Variants in TNIK observed in about 807,000 individuals in gnomAD.
TNIK encodes TRAF2 and NCK interacting kinase, also known as TRAF2 and NCK-interacting protein kinase.
Under a neutral mutation model 191.3 loss-of-function variants are expected in TNIK, and 49 were observed. The ratio of observed to expected loss-of-function variants is 0.26; its 90% CI spans 0.20 to 0.32. The LOEUF (loss-of-function observed/expected upper bound fraction) is 0.32. Ranked by LOEUF, TNIK falls within the 10% of genes least tolerant of loss-of-function variation. The pLI is 1.00. For missense variants in TNIK, 1,155 were observed against 1,702.3 expected (o/e 0.68, Z 5.66); for synonymous variants, 594 against 600.9 (o/e 0.99, Z 0.17).
intron 2 of TNIK, among the ~76,000 whole-genome samples, chr3:171,250,839 A>C (rs1329840582): frequency 1.3e-5 from 2 of 152,188 alleles, no homozygotes; most frequent in Admixed American, 6.5e-5. Flanking sequence ...TACATTTGGG[A>C]TTTCTGACTT....
intron 18 of TNIK, among the ~76,000 whole-genome samples, chr3:171,113,826 G>A (rs1365832596): frequency 6.6e-6 from 1 of 151,892 alleles, no homozygotes; most frequent in East Asian, 1.9e-4. Flanking sequence ...GAGCTTAGCT[G>A]GATATACACA....
At chr3:171,270,627 A>T (rs1178844294) in intron 2 of TNIK, among the ~76,000 whole-genome samples, 3 of 152,116 alleles carry the variant, frequency 2.0e-5, no homozygotes, top group Non-Finnish European at 4.4e-5. Flanking sequence ...CATTTCCTGA[A>T]ATACCCATCC....
intron 1 of TNIK, among the ~76,000 whole-genome samples, chr3:171,374,523 C>T (rs1716957049): frequency 6.6e-6 from 1 of 152,204 alleles, no homozygotes; most frequent in Non-Finnish European, 1.5e-5. Flanking sequence ...AAGTTACATA[C>T]ACCAAGGAGA....
At position 171,394,157 on chromosome 3, in the gene TNIK, C is replaced by T. The variant is rs189531723; in HGVS notation, c.58-24472G>A. Among the ~76,000 whole-genome samples the T allele has an allele frequency of 1.4e-4, 21 of 152,214 alleles. 2 individuals are homozygous for T. Among genetic ancestry groups the T allele is most frequent in the African/African-American group, 5.1e-4 (21 of 41,526 alleles). On this transcript the variant is annotated intron_variant, in intron 1 of 32. Transcript: ENST00000436636. ...TCTGGGGCAAATCTTGTCCTGTGAC[C>T]CTTCCCCCTGTTTGAACCAGCCAAT...
intron 2 of TNIK, among the ~76,000 whole-genome samples, chr3:171,236,086 C>A (rs73879512): frequency 0.016 from 2,425 of 152,232 alleles, 52 homozygotes; most frequent in African/African-American, 0.055. Flanking sequence ...GGCAGGAACT[C>A]CACCTTAAAC....
intron 1 of TNIK, among the ~76,000 whole-genome samples, chr3:171,390,599 T>TGCC: frequency 6.6e-6 from 1 of 152,244 alleles, no homozygotes; most frequent in Non-Finnish European, 1.5e-5. Context: ...AGCTGCTGAA[T>TGCC]AACTGCCATG....
intron 1 of TNIK, among the ~76,000 whole-genome samples, chr3:171,438,384 T>C (rs1300351058): frequency 2.0e-5 from 3 of 152,206 alleles, no homozygotes; most frequent in African/African-American, 7.2e-5. Flanking sequence ...TAAAAACACA[T>C]GAAATTGTAT....
chr3:171,112,583 A>G (rs1011855488), intron 18 of TNIK, among the ~76,000 whole-genome samples: 2 of 151,962 alleles, frequency 1.3e-5, no homozygotes, highest in African/African-American at 2.4e-5. Flanking sequence ...GATCTCACTT[A>G]TGCGTGGAAT....
intron 2 of TNIK, among the ~76,000 whole-genome samples, chr3:171,351,529 T>C (rs1288347227): frequency 6.6e-6 from 1 of 152,214 alleles, no homozygotes; most frequent in East Asian, 1.9e-4. Context: ...TTTATTCTCA[T>C]GTTCTTGTTC....
At chr3:171,239,864 C>T (rs566199701) in intron 2 of TNIK, among the ~76,000 whole-genome samples, 1 of 152,172 alleles carries the variant, frequency 6.6e-6, no homozygotes, top group South Asian at 2.1e-4. Flanking sequence ...CTCTCAGAAA[C>T]CTGTACTCTC....
intron 22 of TNIK, among the ~76,000 whole-genome samples, chr3:171,098,248 A>C (rs1295565257): frequency 1.3e-5 from 2 of 152,196 alleles, no homozygotes; most frequent in East Asian, 3.8e-4. Context: ...GATGTGATGC[A>C]AATCAAATTA....
intron 9 of TNIK, among the ~76,000 whole-genome samples, chr3:171,172,155 A>C (rs1420472848): frequency 6.6e-6 from 1 of 152,148 alleles, no homozygotes; most frequent in East Asian, 1.9e-4. Flanking sequence ...AAAAAAGTTC[A>C]CACTAAGAGA....
chr3:171,375,288 T>C (rs1717057649), intron 1 of TNIK, among the ~76,000 whole-genome samples: 1 of 152,218 alleles, frequency 6.6e-6, no homozygotes. Flanking sequence ...AAACAAAGAA[T>C]ATGCCACAGT....
chr3:171,341,434 T>C (rs1445851638), intron 2 of TNIK, among the ~76,000 whole-genome samples: 2 of 116,416 alleles, frequency 1.7e-5, no homozygotes, highest in Non-Finnish European at 3.2e-5. Context: ...ATTGCACCAC[T>C]GCACTCCAGC....
At chr3:171,459,702 ACG>A (rs1553784801) in intron 1 of TNIK, among the ~76,000 whole-genome samples, 1 of 150,412 alleles carries the variant, frequency 6.6e-6, no homozygotes, top group African/African-American at 2.5e-5. Context: ...ACACACACAC[ACG>A]CACACACGCC....
In TNIK at chr3:171,288,539, T is replaced by G. The variant is rs1577361389; in HGVS notation, c.124-60318A>C. Among the ~76,000 whole-genome samples, 3 of 151,210 alleles carry G rather than the reference T, an allele frequency of 2.0e-5. No homozygotes were observed. The South Asian group carries it at 6.3e-4, about 32-fold the overall frequency. On this transcript the variant is annotated intron_variant, in intron 2 of 32. Transcript: ENST00000436636. Reference sequence around the variant, plus strand: ...GAAGTCAATGGCTGGCCGAGTGCGGTGGCTCACGCCTGTAATCCCAGCATT... The same window carrying G: ...GAAGTCAATGGCTGGCCGAGTGCGGGGGCTCACGCCTGTAATCCCAGCATT...
At chr3:171,181,302 A>G (rs141653603) in intron 7 of TNIK, among the ~76,000 whole-genome samples, 92 of 152,358 alleles carry the variant, frequency 6.0e-4, no homozygotes, top group African/African-American at 2.1e-3. Flanking sequence ...AAAATCTGGC[A>G]CAGAGTAGGG....
At chr3:171,417,449 T>C (rs1018076812) in intron 1 of TNIK, among the ~76,000 whole-genome samples, 2 of 152,196 alleles carry the variant, frequency 1.3e-5, no homozygotes, top group African/African-American at 4.8e-5. Flanking sequence ...TCACTAACCC[T>C]CTTCAATGAG....
chr3:171,129,514 C>T (rs1728957800), intron 15 of TNIK, among the ~76,000 whole-genome samples: 1 of 152,126 alleles, frequency 6.6e-6, no homozygotes. Context: ...ATACACTGCC[C>T]CATCTCATTC....
Sources: gnomAD v4.1 joint callset for allele counts (sites outside exome capture counted in the v4.1 genomes callset) on GRCh38, gnomAD v4.1.1 for gene constraint, MANE v1.5 for transcripts, NCBI Gene and HGNC (gene_info 2026-07-23, HGNC 2026-07-21) for gene names.